The following BABAM2 variants were observed in gnomAD, a reference collection of about 807,000 sequenced individuals.
BABAM2 encodes BRISC and BRCA1 A complex member 2, also known as BRISC and BRCA1-A complex member 2.
A neutral mutation model predicts 54.7 loss-of-function variants in BABAM2; 31 were observed. The observed-to-expected ratio is 0.57, with a 90% CI of 0.43 to 0.77. The LOEUF is 0.77. Ranked by LOEUF, BABAM2 falls within the 30% of genes least tolerant of loss-of-function variation. The pLI is 0.00. For synonymous variants in BABAM2, 167 were observed against 162.9 expected, an observed-to-expected ratio of 1.03 and a Z score of -0.19; for missense variants, 364 against 455.8, an observed-to-expected ratio of 0.80 and a Z score of 1.83.
intron 6 of BABAM2, among the ~76,000 whole-genome samples, chr2:28,088,572 C>T (rs187066795): frequency 4.3e-4 from 65 of 152,272 alleles, no homozygotes; most frequent in African/African-American, 1.5e-3. Context: ...TTAGGAAATT[C>T]TGAGCTGCTC....
intron 4 of BABAM2, among the ~76,000 whole-genome samples, chr2:27,993,324 T>C (rs1336856546): frequency 1.3e-5 from 2 of 152,192 alleles, no homozygotes; most frequent in African/African-American, 4.8e-5. Context: ...CAGATTTCCT[T>C]TAAGGTTCTG....
At chr2:28,254,672 T>C (rs1683808919) in intron 10 of BABAM2, among the ~76,000 whole-genome samples, 1 of 152,224 alleles carries the variant, frequency 6.6e-6, no homozygotes, top group African/African-American at 2.4e-5. Context: ...AGGGAAATGT[T>C]GTTTTACCTA....
chr2:28,032,023 A>C (rs189274933), intron 5 of BABAM2, among the ~76,000 whole-genome samples: 4 of 152,346 alleles, frequency 2.6e-5, no homozygotes, highest in African/African-American at 9.6e-5. Context: ...TCTCTAAATG[A>C]AACATTATAA....
At chr2:28,063,300 C>CA (rs1359890401) in intron 6 of BABAM2, among the ~76,000 whole-genome samples, 1 of 152,156 alleles carries the variant, frequency 6.6e-6, no homozygotes, top group African/African-American at 2.4e-5. Flanking sequence ...ATGCAAGCCG[C>CA]ATATGCAACT....
rs146995730 is a variant in BABAM2 at position 28,087,889 on chromosome 2, A to G, written c.571-41382A>G. 8.6e-3 allele frequency among the ~76,000 whole-genome samples: 1,306 copies of G among 152,266 alleles called. 15 individuals carry two copies. The highest frequency in any genetic ancestry group is 0.03 in the African/African-American group (1,235 of 41,556). On this transcript the variant is annotated intron_variant, in intron 6 of 11. Transcript: ENST00000379624. ...GGTCTCAAACTTCTGACGTCAAGTG[A>G]TCTGCCCATCTTGGCCTCCCAAAGT...
chr2:27,937,984 A>T (rs1668608360), intron 3 of BABAM2, among the ~76,000 whole-genome samples: 1 of 152,178 alleles, frequency 6.6e-6, no homozygotes. Context: ...ATTTTTGTAT[A>T]TGATGAAAGG....
intron 4 of BABAM2, chr2:28,016,122 T>A: frequency 8.6e-7 from 1 of 1,164,628 alleles, no homozygotes; most frequent in South Asian, 1.3e-5. Flanking sequence ...TACCCTTATC[T>A]TCAGAATCAG....
chr2:28,097,599 C>T (rs1431068472), intron 6 of BABAM2, among the ~76,000 whole-genome samples: 3 of 152,074 alleles, frequency 2.0e-5, no homozygotes, highest in South Asian at 2.1e-4. Flanking sequence ...CTCTTCTGTG[C>T]GCTCTGTCCT....
At position 28,278,176 on chromosome 2, in the gene BABAM2, G is replaced by A. The variant is rs151323570; in HGVS notation, c.935-20162G>A. 3.6e-3 allele frequency among the ~76,000 whole-genome samples: 541 copies of A among 152,270 alleles called. 3 individuals carry two copies. Among genetic ancestry groups the A allele is most frequent in the Non-Finnish European group, 4.7e-3 (317 of 68,020 alleles). On this transcript the variant is annotated intron_variant, in intron 10 of 11. Coordinates refer to ENST00000379624, the MANE Select transcript of BABAM2 (RefSeq NM_199191.3). ...TTATAAAGACCCTTTTATATACACC[G>A]TTCAAAATATATCCTATTACTGATG...
intron 10 of BABAM2, among the ~76,000 whole-genome samples, chr2:28,259,939 C>T (rs754803423): frequency 6.7e-6 from 1 of 148,552 alleles, no homozygotes; most frequent in Admixed American, 6.8e-5. Flanking sequence ...TCGCTTTTGT[C>T]GCCCAGGCTG....
intron 7 of BABAM2, among the ~76,000 whole-genome samples, chr2:28,151,543 C>T (rs1390303148): frequency 6.6e-6 from 1 of 152,050 alleles, no homozygotes; most frequent in Non-Finnish European, 1.5e-5. Context: ...CCATTGCACT[C>T]CAGCCTTGGC....
chr2:28,265,908 CTTGTGTTAG>C (rs908156572), intron 10 of BABAM2, among the ~76,000 whole-genome samples: 3 of 152,076 alleles, frequency 2.0e-5, no homozygotes, highest in African/African-American at 7.2e-5. Flanking sequence ...CTTCTCGTCA[CTTGTGTTAG>C]TTTTTTTAAT....
chr2:28,042,980 C>G (rs1456955162), intron 5 of BABAM2, among the ~76,000 whole-genome samples: 1 of 151,136 alleles, frequency 6.6e-6, no homozygotes, highest in East Asian at 2.0e-4. Flanking sequence ...GCTGAGATCG[C>G]GCCACTGCAC....
At chr2:27,893,408 T>C (rs1381263295) in intron 1 of BABAM2, among the ~76,000 whole-genome samples, 1 of 152,228 alleles carries the variant, frequency 6.6e-6, no homozygotes, top group African/African-American at 2.4e-5. Context: ...GATGTATGTT[T>C]TCATAATTTA....
intron 3 of BABAM2, among the ~76,000 whole-genome samples, chr2:27,969,917 T>A (rs1671088396): frequency 6.6e-6 from 1 of 152,054 alleles, no homozygotes; most frequent in Non-Finnish European, 1.5e-5. Context: ...TTTACAGGAA[T>A]TCAGAGCTGC....
chr2:28,195,031 G>A (rs1020522745), intron 7 of BABAM2, among the ~76,000 whole-genome samples: 11 of 152,208 alleles, frequency 7.2e-5, no homozygotes, highest in African/African-American at 1.4e-4. Context: ...ATATACCAGA[G>A]AGAAAATTGT....
In BABAM2 at chr2:28,325,907, C is replaced by T. The variant is rs1690407860; in HGVS notation, c.1089-12543C>T. ...ATAACACTTCAAAGCCCTAGAGAGACTCAGGGGAGGGGAAGGTTAGAGGCC... is the reference window on the plus strand; with the variant it reads ...ATAACACTTCAAAGCCCTAGAGAGATTCAGGGGAGGGGAAGGTTAGAGGCC... On this transcript the variant is annotated intron_variant, in intron 11 of 11. Transcript: ENST00000379624. This position sits in a 1 kb window ranked among gnomAD's most constrained non-coding sequence, Gnocchi z 4.3. Among the ~76,000 whole-genome samples, 1 of 152,188 alleles carries T rather than the reference C, an allele frequency of 6.6e-6. No homozygotes were observed. Among genetic ancestry groups the T allele is most frequent in the Non-Finnish European group, 1.5e-5 (1 of 68,032 alleles).
At chr2:28,248,499 G>A (rs753937866) in intron 10 of BABAM2, among the ~76,000 whole-genome samples, 3 of 152,126 alleles carry the variant, frequency 2.0e-5, no homozygotes, top group East Asian at 1.9e-4. Flanking sequence ...GTGAGCCACC[G>A]CGCCTGGTCC....
At chr2:28,295,230 C>T (rs1192777089) in intron 10 of BABAM2, among the ~76,000 whole-genome samples, 5 of 152,114 alleles carry the variant, frequency 3.3e-5, no homozygotes, top group Non-Finnish European at 7.4e-5. Context: ...GAAGGCATTC[C>T]AAAACCCGAA....
Sources: allele counts gnomAD v4.1 joint callset (sites outside exome capture counted in the v4.1 genomes callset), GRCh38; gene constraint gnomAD v4.1.1; non-coding constraint Gnocchi (gnomAD v3.1); transcripts MANE v1.5; gene names NCBI Gene and HGNC (gene_info 2026-07-23, HGNC 2026-07-21).